The following ROBO1 variants were observed in gnomAD, a reference collection of about 807,000 sequenced individuals.
The protein encoded by ROBO1 is roundabout guidance receptor 1.
A neutral mutation model predicts 195.9 loss-of-function variants in ROBO1; 149 were observed. The ratio of observed to expected loss-of-function variants is 0.76; its 90% CI spans 0.67 to 0.87. ROBO1 has a LOEUF of 0.87. ROBO1 is among the 40% of genes least tolerant of loss of function. The probability of loss-of-function intolerance (pLI) is 0.00; values close to 1 mark genes in which losing one functional copy is unlikely to be tolerated. For synonymous variants in ROBO1, 816 were observed against 733.2 expected, an observed-to-expected ratio of 1.11 and a Z score of -1.82; for missense variants, 1,933 against 2,068.3, an observed-to-expected ratio of 0.93 and a Z score of 1.27.
At chr3:79,608,569 T>A (rs891555252) in intron 1 of ROBO1, among the ~76,000 whole-genome samples, 1 of 151,984 alleles carries the variant, frequency 6.6e-6, no homozygotes, top group Non-Finnish European at 1.5e-5. Flanking sequence ...TTAAAAGGAA[T>A]AAGCAATTCC....
chr3:79,307,305 T>A (rs989640191), intron 2 of ROBO1, among the ~76,000 whole-genome samples: 3 of 152,140 alleles, frequency 2.0e-5, no homozygotes, highest in Non-Finnish European at 4.4e-5. Flanking sequence ...TCTTTTTTTT[T>A]AATGAAATAA....
chr3:79,333,506 C>T (rs1050644150), intron 2 of ROBO1, among the ~76,000 whole-genome samples: 2 of 152,074 alleles, frequency 1.3e-5, no homozygotes, highest in Admixed American at 6.5e-5. Flanking sequence ...AATTATCAAG[C>T]CTGCCATGCC....
intron 1 of ROBO1, among the ~76,000 whole-genome samples, chr3:79,615,524 T>C (rs930086727): frequency 2.6e-5 from 4 of 152,144 alleles, no homozygotes; most frequent in African/African-American, 7.2e-5. Context: ...AACTTCTAAA[T>C]TGGTTGAGAT....
chr3:79,313,106 G>A (rs2033561977), intron 2 of ROBO1, among the ~76,000 whole-genome samples: 1 of 149,822 alleles, frequency 6.7e-6, no homozygotes, highest in South Asian at 2.1e-4. Context: ...AGAATGGTGT[G>A]AACTCAGGAG....
chr3:79,294,870 G>A (rs2032490286), intron 2 of ROBO1, among the ~76,000 whole-genome samples: 1 of 152,202 alleles, frequency 6.6e-6, no homozygotes, highest in South Asian at 2.1e-4. Context: ...CTAGTCATTA[G>A]AGAAATGCAA....
chr3:78,722,873 T>C (rs541001261), intron 5 of ROBO1, among the ~76,000 whole-genome samples: 1 of 152,238 alleles, frequency 6.6e-6, no homozygotes, highest in South Asian at 2.1e-4. Flanking sequence ...TATATAACTC[T>C]AAGGATATTA....
At chr3:79,698,904 A>T (rs1159315557) in intron 1 of ROBO1, among the ~76,000 whole-genome samples, 1 of 151,452 alleles carries the variant, frequency 6.6e-6, no homozygotes, top group African/African-American at 2.4e-5. Flanking sequence ...GCTTTAAAAT[A>T]ATAGTTTTTT....
chr3:78,799,335 G>GA (rs2098279983), intron 4 of ROBO1, among the ~76,000 whole-genome samples: 1 of 151,082 alleles, frequency 6.6e-6, no homozygotes, highest in Non-Finnish European at 1.5e-5. Context: ...TACCATTTTT[G>GA]TTTTTTTGTT....
intron 2 of ROBO1, among the ~76,000 whole-genome samples, chr3:79,493,200 T>A: frequency 6.6e-6 from 1 of 152,016 alleles, no homozygotes; most frequent in East Asian, 1.9e-4. Flanking sequence ...TTATTCTTGG[T>A]TTTAATAGCT....
At chr3:78,916,623 T>C (rs1156462013) in intron 4 of ROBO1, among the ~76,000 whole-genome samples, 2 of 152,110 alleles carry the variant, frequency 1.3e-5, no homozygotes, top group Non-Finnish European at 2.9e-5. Flanking sequence ...TATGTAATCT[T>C]TTATCAATAT....
chr3:79,717,866 T>C (rs939422970), intron 1 of ROBO1, among the ~76,000 whole-genome samples: 5 of 152,030 alleles, frequency 3.3e-5, no homozygotes, highest in Non-Finnish European at 1.5e-5. Context: ...GTGTGTGTAT[T>C]TTTCTGTGGA....
intron 3 of ROBO1, among the ~76,000 whole-genome samples, chr3:79,114,876 T>C (rs2079962399): frequency 6.6e-6 from 1 of 152,234 alleles, no homozygotes; most frequent in South Asian, 2.1e-4. Context: ...AAGAGAAGGC[T>C]GTCCTACTAT....
At chr3:78,639,601 G>C in intron 22 of ROBO1, 143 bp downstream of exon 22, 1 of 717,004 alleles carries the variant, frequency 1.4e-6, no homozygotes, top group Non-Finnish European at 2.1e-6. Context: ...ACTTAAATCA[G>C]GCTATTTTGC....
chr3:79,733,303 A>C (rs909373825), intron 1 of ROBO1, among the ~76,000 whole-genome samples: 47 of 152,202 alleles, frequency 3.1e-4, no homozygotes, highest in African/African-American at 1.1e-3. Context: ...TCTCATATGC[A>C]AATATAATCT....
chr3:79,072,886 C>T (rs1357962106), intron 3 of ROBO1, among the ~76,000 whole-genome samples: 2 of 151,738 alleles, frequency 1.3e-5, no homozygotes, highest in Non-Finnish European at 2.9e-5. Flanking sequence ...GCAAAATTTG[C>T]CTAATCTGCC....
chr3:79,577,780 C>T (rs1237971536), intron 2 of ROBO1, among the ~76,000 whole-genome samples: 1 of 150,630 alleles, frequency 6.6e-6, no homozygotes, highest in Admixed American at 6.6e-5. Context: ...GGCATGGTGG[C>T]GGGAGCCTGT....
intron 2 of ROBO1, among the ~76,000 whole-genome samples, chr3:79,455,905 A>G (rs79743148): frequency 0.011 from 1,696 of 152,252 alleles, 31 homozygotes; most frequent in African/African-American, 0.039. Context: ...CATATAACTA[A>G]GCTTCCATCT....
intron 1 of ROBO1, among the ~76,000 whole-genome samples, chr3:79,631,040 C>T (rs745577778): frequency 1.3e-5 from 2 of 151,706 alleles, no homozygotes; most frequent in Non-Finnish European, 1.5e-5. Context: ...GGTAAAATGA[C>T]GTACTATATT....
Position 78,874,155 on chromosome 3 carries a change from T to C in ROBO1, c.499+64446A>G, listed in dbSNP as rs186901685. The stretch of plus-strand genomic sequence containing the variant: ...GGTATTAAAATATACTCAATCACTG[T>C]ATCAAATTGCAGCACTTCTAAGAAA... On this transcript the variant is annotated intron_variant, in intron 4 of 30. Transcript: ENST00000464233. 2.0e-4 allele frequency among the ~76,000 whole-genome samples: 30 copies of C among 152,126 alleles called. No individual in the cohort carries two copies. The East Asian group carries it at 5.6e-3, about 28-fold the overall frequency.
Sources: allele counts gnomAD v4.1 joint callset (sites outside exome capture counted in the v4.1 genomes callset), GRCh38; gene constraint gnomAD v4.1.1; transcripts MANE v1.5; gene names NCBI Gene and HGNC (gene_info 2026-07-23, HGNC 2026-07-21).